The following TPTE variants were observed in gnomAD, a reference collection of about 807,000 sequenced individuals.
TPTE encodes the protein putative tyrosine-protein phosphatase TPTE.
TPTE carries 59 observed loss-of-function variants against 84.1 expected under a neutral mutation model. That is an observed-to-expected ratio of 0.70 (90% confidence interval 0.57 to 0.87). The LOEUF (loss-of-function observed/expected upper bound fraction) is 0.87, where lower values mean the gene tolerates loss of function less well. Among genes scored for constraint, TPTE ranks in the 40% least tolerant of loss-of-function variants. The probability of loss-of-function intolerance (pLI) is 0.00; values close to 1 mark genes in which losing one functional copy is unlikely to be tolerated. For missense variants in TPTE, 382 were observed against 659.6 expected, an observed-to-expected ratio of 0.58 and a Z score of 4.61; for synonymous variants, 130 against 223.5, an observed-to-expected ratio of 0.58 and a Z score of 3.73.
chr21:10,560,127 A>C (rs1291975619), intron 9 of TPTE, among the ~76,000 whole-genome samples: 1 of 152,298 alleles, frequency 6.6e-6, no homozygotes, highest in Non-Finnish European at 1.5e-5. Flanking sequence ...TAATTGTAAT[A>C]TATTAATATT....
intron 8 of TPTE, among the ~76,000 whole-genome samples, chr21:10,558,227 T>C (rs1176746051): frequency 6.6e-6 from 1 of 152,310 alleles, no homozygotes; most frequent in African/African-American, 2.4e-5. Flanking sequence ...CATATGCATG[T>C]ATCTTTATAG....
At chr21:10,568,198 C>T (rs1163518647) in intron 11 of TPTE, among the ~76,000 whole-genome samples, 1 of 152,310 alleles carries the variant, frequency 6.6e-6, no homozygotes, top group Non-Finnish European at 1.5e-5. Flanking sequence ...GAAAACAATT[C>T]CCCTCTGTGC....
chr21:10,588,604 C>A (rs1486092753), intron 17 of TPTE, among the ~76,000 whole-genome samples: 2 of 152,306 alleles, frequency 1.3e-5, no homozygotes, highest in African/African-American at 4.8e-5. Context: ...AATATGTTTT[C>A]CAGGCTGTTT....
intron 8 of TPTE, among the ~76,000 whole-genome samples, chr21:10,554,645 C>T (rs1260560651): frequency 6.6e-6 from 1 of 152,306 alleles, no homozygotes; most frequent in Non-Finnish European, 1.5e-5. Context: ...AGCATTTAAT[C>T]CTCATGTAAT....
At position 10,542,575 on chromosome 21, in the gene TPTE, CCATCCATCCATCCATT is replaced by C. The variant is rs1161285096; in HGVS notation, c.119+158_119+173del. ...TCCATCCATCCATTCATCCATCCAT[CCATCCATCCATCCATT>C]CATCCATCCATCCATTCATCCATCC... On this transcript the variant is annotated intron_variant, in intron 6 of 23. Transcript: ENST00000618007. 192 of 1,251,148 alleles carry C rather than the reference CCATCCATCCATCCATT, an allele frequency of 1.5e-4. No individual in the cohort carries two copies. The Middle Eastern group carries it at 2.6e-3, about 17-fold the overall frequency. 77.5% of individuals were successfully genotyped at this position (1,251,148 alleles called of 1,614,324 possible).
At chr21:10,568,914 G>A (rs187950352) in intron 11 of TPTE, among the ~76,000 whole-genome samples, 29 of 152,380 alleles carry the variant, frequency 1.9e-4, no homozygotes, top group South Asian at 1.4e-3. Context: ...AGCACACTTC[G>A]GAAGTATCTC....
chr21:10,559,145 A>T (rs1178923925), intron 8 of TPTE, among the ~76,000 whole-genome samples: 1 of 152,310 alleles, frequency 6.6e-6, no homozygotes, highest in Non-Finnish European at 1.5e-5. Flanking sequence ...TGGCATTAAA[A>T]TACAGTTCTC....
chr21:10,534,429 T>C (rs1398963943), intron 3 of TPTE, among the ~76,000 whole-genome samples: 1 of 152,308 alleles, frequency 6.6e-6, no homozygotes, highest in Admixed American at 6.5e-5. Context: ...TCCAAATGGC[T>C]AAATTGCATG....
Position 10,587,142 on chromosome 21 carries a change from G to A in TPTE, c.1028-3320G>A, listed in dbSNP as rs1267790820. ...AATTGCATTAATATAGATTTCTGAT[G>A]TAGGATGATTCTTGCATTTGTTATT... On this transcript the variant is annotated intron_variant, in intron 17 of 23. Transcript: ENST00000618007. Among the ~76,000 whole-genome samples, 14 of 152,398 alleles carry A rather than the reference G, an allele frequency of 9.2e-5. No homozygotes were observed. In the South Asian group the frequency reaches 2.5e-3, roughly 27 times the overall value.
At chr21:10,578,901 T>C (rs1353378771) in intron 17 of TPTE, among the ~76,000 whole-genome samples, 1 of 152,312 alleles carries the variant, frequency 6.6e-6, no homozygotes, top group Non-Finnish European at 1.5e-5. Context: ...TGCTAGTTTA[T>C]ATCTCTCAAA....
At chr21:10,589,491 G>C (rs1415540383) in intron 17 of TPTE, among the ~76,000 whole-genome samples, 1 of 151,698 alleles carries the variant, frequency 6.6e-6, no homozygotes, top group Non-Finnish European at 1.5e-5. Context: ...TAGGGGGATT[G>C]GGGGCACAAG....
In TPTE at chr21:10,590,458, C is replaced by A; in HGVS notation, c.1028-4C>A. 1.2e-6 allele frequency: 2 copies of A among 1,614,020 alleles called. No homozygotes were observed. The highest frequency in any genetic ancestry group is 1.7e-6 in the Non-Finnish European group (2 of 1,179,886). On this transcript the variant is annotated splice_polypyrimidine_tract_variant and splice_region_variant and intron_variant, in intron 17 of 23. Coordinates refer to ENST00000618007, the MANE Select transcript of TPTE (RefSeq NM_199261.4). ...TTCTTGAACTAACTTCTTTTCTTTT[C>A]TAGATAGAACAGGAACTATGGTTTG...
At chr21:10,542,625 G>A (rs1044818485) in intron 6 of TPTE, among the ~76,000 whole-genome samples, 177 bp downstream of exon 6, 2 of 152,156 alleles carry the variant, frequency 1.3e-5, no homozygotes, top group African/African-American at 2.4e-5. Flanking sequence ...CCATCCACAC[G>A]TCTCTTCAAC....
At chr21:10,587,793 A>G (rs1481931112) in intron 17 of TPTE, among the ~76,000 whole-genome samples, 1 of 152,304 alleles carries the variant, frequency 6.6e-6, no homozygotes. Flanking sequence ...CAGGTGATCC[A>G]CCCACCTCAG....
intron 22 of TPTE, among the ~76,000 whole-genome samples, chr21:10,602,443 C>A (rs1398997584): frequency 1.3e-5 from 2 of 151,790 alleles, no homozygotes; most frequent in East Asian, 1.9e-4. Flanking sequence ...AAAAAAACCC[C>A]AAAGGTATGT....
rs1285519018 is a variant in TPTE at position 10,559,402 on chromosome 21, A to G, written c.234-92A>G. Reference sequence around the variant, plus strand: ...CAACTTCTGAATAATTTTCTTTTGAAATTATATTTATAAGGGCCTTTGTTT... The same window carrying G: ...CAACTTCTGAATAATTTTCTTTTGAGATTATATTTATAAGGGCCTTTGTTT... On this transcript the variant is annotated intron_variant, in intron 8 of 23. Transcript: ENST00000618007. The G allele has an allele frequency of 2.6e-6, 4 of 1,546,580 alleles. No individual in the cohort carries two copies. The African/African-American group carries it at 4.2e-5, about 16-fold the overall frequency.
intron 21 of TPTE, among the ~76,000 whole-genome samples, chr21:10,599,831 G>GTTGTTTCT (rs774194351): frequency 0.01 from 1,425 of 140,194 alleles, no homozygotes; most frequent in African/African-American, 0.029. Context: ...TAGTTAGTTG[G>GTTGTTTCT]TTCTTTCTTT....
chr21:10,543,134 A>T (rs1443175462), intron 6 of TPTE, among the ~76,000 whole-genome samples, 195 bp from the exon 7 acceptor site: 1 of 129,066 alleles, frequency 7.7e-6, no homozygotes, highest in Non-Finnish European at 1.5e-5. Context: ...GGTTCACGCC[A>T]TTCTCCTGCC....
intron 1 of TPTE, among the ~76,000 whole-genome samples, chr21:10,522,476 G>A (rs1477211015): frequency 6.6e-6 from 1 of 152,310 alleles, no homozygotes; most frequent in Non-Finnish European, 1.5e-5. Flanking sequence ...CGTCGGCGTA[G>A]GGTCCCCAGC....
Sources: gnomAD v4.1 joint callset for allele counts (sites outside exome capture counted in the v4.1 genomes callset) on GRCh38, gnomAD v4.1.1 for gene constraint, MANE v1.5 for transcripts, NCBI Gene and HGNC (gene_info 2026-07-23, HGNC 2026-07-21) for gene names.